The following CTNNA3 variants were observed in gnomAD, a reference collection of about 807,000 sequenced individuals.
The protein encoded by CTNNA3 is catenin alpha-3.
In CTNNA3, 76 loss-of-function variants were observed where a neutral mutation model predicts 95.7. The ratio of observed to expected loss-of-function variants is 0.79; its 90% CI spans 0.66 to 0.96. CTNNA3 has a LOEUF of 0.96. Among genes scored for constraint, CTNNA3 ranks in the 40% least tolerant of loss-of-function variants. The pLI, the probability that CTNNA3 is intolerant of heterozygous loss-of-function variation, is 0.00. For missense variants in CTNNA3, 1,191 were observed against 1,089.8 expected, an observed-to-expected ratio of 1.09 and a Z score of -1.31; for synonymous variants, 431 against 374.4, an observed-to-expected ratio of 1.15 and a Z score of -1.74.
chr10:67,545,389 T>C (rs1483105215), intron 3 of CTNNA3, among the ~76,000 whole-genome samples: 2 of 152,162 alleles, frequency 1.3e-5, no homozygotes, highest in Admixed American at 6.5e-5. Context: ...CTTCCAATAA[T>C]TGAAGTTAAT....
intron 7 of CTNNA3, chr10:67,097,633 C>T (rs1858088722): frequency 6.2e-7 from 1 of 1,612,574 alleles, no homozygotes; most frequent in Non-Finnish European, 8.5e-7. Context: ...TACGACCAGC[C>T]CACAATAAGT....
At chr10:67,428,520 A>G (rs530737009) in intron 5 of CTNNA3, among the ~76,000 whole-genome samples, 2 of 152,208 alleles carry the variant, frequency 1.3e-5, no homozygotes, top group South Asian at 4.1e-4. Flanking sequence ...AACATAGCTT[A>G]ATAAATGGAC....
rs147382364 is a variant in CTNNA3 at position 66,009,576 on chromosome 10, T to C, written c.2160-20779A>G. ...TTTCACTCTCGAAAAGAACATCTTA[T>C]AGCCATTTTGAAGACTAATATTTAA... On this transcript the variant is annotated intron_variant, in intron 15 of 17. Transcript: ENST00000433211. Among the ~76,000 whole-genome samples, 481 of 152,366 alleles carry C rather than the reference T, an allele frequency of 3.2e-3. 4 individuals carry two copies. Among genetic ancestry groups the C allele is most frequent in the African/African-American group, 0.011 (464 of 41,586 alleles).
rs555766297 is a variant in CTNNA3, at chr10:66,285,690, AT to A, written c.1733-5070del. 3.3e-5 allele frequency among the ~76,000 whole-genome samples: 5 copies of A among 151,746 alleles called. No homozygotes were observed. In the East Asian group the frequency reaches 9.7e-4, roughly 29 times the overall value. On this transcript the variant is annotated intron_variant, in intron 12 of 17. Coordinates refer to ENST00000433211, the MANE Select transcript of CTNNA3 (RefSeq NM_013266.4). ...TTATTTTAAATTGTTAATAAATTTT[AT>A]TTTTTTAAATTGCTTGGTTTTCTTT...
intron 7 of CTNNA3, among the ~76,000 whole-genome samples, chr10:66,957,391 T>TGC (rs1295812219): frequency 1.4e-4 from 2 of 13,852 alleles, no homozygotes; most frequent in East Asian, 6.7e-3. Context: ...TGTATATATA[T>TGC]ACATATATAT....
intron 10 of CTNNA3, among the ~76,000 whole-genome samples, chr10:66,566,933 G>A (rs1253103071): frequency 6.6e-6 from 1 of 150,382 alleles, no homozygotes; most frequent in Non-Finnish European, 1.5e-5. Flanking sequence ...GTGGAGAGGT[G>A]GGAGGGAGTG....
At chr10:66,309,941 AT>A (rs1391136257) in intron 12 of CTNNA3, among the ~76,000 whole-genome samples, 2 of 144,088 alleles carry the variant, frequency 1.4e-5, no homozygotes, top group East Asian at 2.0e-4. Context: ...AAATAAATAA[AT>A]AAATAAATAA....
At chr10:66,896,213 G>C (rs544095419) in intron 7 of CTNNA3, among the ~76,000 whole-genome samples, 50 of 152,290 alleles carry the variant, frequency 3.3e-4, no homozygotes, top group African/African-American at 1.2e-3. Flanking sequence ...AATACTGCAT[G>C]GTGCTCCACA....
At chr10:66,383,567 C>T (rs1381059927) in intron 11 of CTNNA3, among the ~76,000 whole-genome samples, 1 of 152,066 alleles carries the variant, frequency 6.6e-6, no homozygotes. Context: ...CAAGGCAGGC[C>T]AACATTCAAA....
intron 9 of CTNNA3, among the ~76,000 whole-genome samples, chr10:66,743,991 A>AG (rs1362549569): frequency 2.0e-5 from 3 of 150,672 alleles, no homozygotes; most frequent in African/African-American, 7.3e-5. Flanking sequence ...AAAAAAAAAA[A>AG]AAAAAAAAGG....
intron 10 of CTNNA3, among the ~76,000 whole-genome samples, chr10:66,587,341 G>A (rs1327654128): frequency 1.3e-5 from 2 of 152,140 alleles, no homozygotes; most frequent in Non-Finnish European, 1.5e-5. Context: ...GTCATGGCTT[G>A]TAGAAAAGCA....
intron 13 of CTNNA3, among the ~76,000 whole-genome samples, chr10:66,122,003 CAACTTCCCACACAACCAGATTG>C (rs2082606018): frequency 6.6e-6 from 1 of 152,098 alleles, no homozygotes; most frequent in Admixed American, 6.5e-5. Flanking sequence ...ACATAAATGA[CAACTTCCCACACAACCAGATTG>C]AAACATGACA....
chr10:67,522,376 TGTA>T (rs1840014569), intron 4 of CTNNA3, among the ~76,000 whole-genome samples: 1 of 152,102 alleles, frequency 6.6e-6, no homozygotes, highest in African/African-American at 2.4e-5. Flanking sequence ...TTTATGAAAA[TGTA>T]GTTGCTTACA....
At chr10:66,768,091 G>A (rs2132793326) in intron 8 of CTNNA3, among the ~76,000 whole-genome samples, 1 of 152,246 alleles carries the variant, frequency 6.6e-6, no homozygotes, top group South Asian at 2.1e-4. Flanking sequence ...ATTTGAGCTG[G>A]GAACTACAGG....
chr10:67,109,705 C>T (rs1858819445), intron 7 of CTNNA3, among the ~76,000 whole-genome samples: 1 of 152,048 alleles, frequency 6.6e-6, no homozygotes, highest in East Asian at 1.9e-4. Flanking sequence ...TGGCTGGGCG[C>T]AGTGGCCTGC....
intron 15 of CTNNA3, among the ~76,000 whole-genome samples, chr10:66,054,731 T>G (rs1210044545): frequency 1.3e-5 from 2 of 152,174 alleles, no homozygotes; most frequent in Admixed American, 6.5e-5. Context: ...TACTTTGATG[T>G]GATCCCATTT....
At chr10:66,714,604 T>A (rs1319977587) in intron 9 of CTNNA3, among the ~76,000 whole-genome samples, 1 of 152,156 alleles carries the variant, frequency 6.6e-6, no homozygotes, top group African/African-American at 2.4e-5. Flanking sequence ...CCTCTGCTTT[T>A]TTGAGCAGTG....
At chr10:65,971,129 C>CTTTGA (rs2078091606) in intron 16 of CTNNA3, among the ~76,000 whole-genome samples, 1 of 151,336 alleles carries the variant, frequency 6.6e-6, no homozygotes, top group African/African-American at 2.4e-5. Context: ...ATAATAGACA[C>CTTTGA]AACATATAAA....
chr10:66,538,590 G>T (rs1357332352), intron 10 of CTNNA3, among the ~76,000 whole-genome samples: 1 of 152,064 alleles, frequency 6.6e-6, no homozygotes, highest in African/African-American at 2.4e-5. Context: ...ATAGATACGT[G>T]ACTCTCCTGA....
Sources: allele counts gnomAD v4.1 joint callset (sites outside exome capture counted in the v4.1 genomes callset), GRCh38; gene constraint gnomAD v4.1.1; transcripts MANE v1.5; gene names NCBI Gene and HGNC (gene_info 2026-07-23, HGNC 2026-07-21).